ANO4: variants seen among roughly 807,000 people sequenced by gnomAD.
ANO4 encodes the protein anoctamin-4.
In ANO4, 69 loss-of-function variants were observed where a neutral mutation model predicts 141.9. The ratio of observed to expected loss-of-function variants is 0.49; its 90% CI spans 0.40 to 0.59. ANO4 has a LOEUF of 0.59. ANO4 is among the 20% of genes least tolerant of loss of function. The pLI, the probability that ANO4 is intolerant of heterozygous loss-of-function variation, is 0.00. For synonymous variants in ANO4, 350 were observed against 394.3 expected, an observed-to-expected ratio of 0.89 and a Z score of 1.33; for missense variants, 894 against 1,162.2, an observed-to-expected ratio of 0.77 and a Z score of 3.36.
chr12:100,837,825 T>C (rs1467998673), intron 1 of ANO4, among the ~76,000 whole-genome samples: 2 of 151,874 alleles, frequency 1.3e-5, no homozygotes, highest in African/African-American at 2.4e-5. Flanking sequence ...AAGGTAGAGC[T>C]TCAACAGATT....
In ANO4 at chr12:101,096,591, T is replaced by G; in HGVS notation, c.1794T>G (p.Leu598=). The part of the protein sequence containing the change: ...WENSFTLKMF[L]FQFVNLNSST... ...ACAGCTTCACCCTGAAAATGTTTCTTTTTCAGTTTGTCAATCTGAACAGCT... is the reference window on the plus strand; with the variant it reads ...ACAGCTTCACCCTGAAAATGTTTCTGTTTCAGTTTGTCAATCTGAACAGCT... The change falls in exon 19 of 28, where the codon CTT becomes CTG. Residue 598 remains leucine (L), a synonymous_variant. Transcript: ENST00000392977. 6.2e-7 allele frequency: 1 copy of G among 1,613,622 alleles called. No individual in the cohort carries two copies. Among genetic ancestry groups the G allele is most frequent in the Non-Finnish European group, 8.5e-7 (1 of 1,179,660 alleles).
At chr12:100,733,704 T>C in intron 1 of ANO4, 1 of 656,440 alleles carries the variant, frequency 1.5e-6, no homozygotes, top group South Asian at 1.7e-5. Flanking sequence ...CCACCAGTCA[T>C]ATATTTACAT....
intron 24 of ANO4, 36 bp from the exon 25 acceptor site, chr12:101,116,643 G>C (rs1037541984): frequency 2.5e-6 from 4 of 1,614,064 alleles, no homozygotes; most frequent in Non-Finnish European, 2.5e-6. Flanking sequence ...AGAAGGTGAT[G>C]AGTGTTCTAA....
At chr12:101,030,089 A>G (rs1294395235) in intron 9 of ANO4, among the ~76,000 whole-genome samples, 2 of 152,132 alleles carry the variant, frequency 1.3e-5, no homozygotes, top group South Asian at 4.1e-4. Flanking sequence ...AAAATTAACA[A>G]GGATATTCAG....
intron 24 of ANO4, among the ~76,000 whole-genome samples, chr12:101,116,014 C>G (rs113817998): frequency 0.02 from 3,003 of 152,168 alleles, 117 homozygotes; most frequent in African/African-American, 0.069. Context: ...TAATGGTGAA[C>G]TAAGTAAGTA....
intron 1 of ANO4, among the ~76,000 whole-genome samples, chr12:100,861,831 A>G (rs1366833253): frequency 4.6e-5 from 7 of 152,130 alleles, no homozygotes; most frequent in African/African-American, 1.7e-4. Flanking sequence ...GTTTTTTTCT[A>G]TTTTGAATTT....
At chr12:101,123,388 GT>G (rs1461662388) in intron 26 of ANO4, among the ~76,000 whole-genome samples, 2 of 152,094 alleles carry the variant, frequency 1.3e-5, no homozygotes, top group Non-Finnish European at 2.9e-5. Context: ...GTGTGCCACG[GT>G]CATCTGCTGC....
intron 1 of ANO4, among the ~76,000 whole-genome samples, chr12:100,888,524 G>T (rs1026079938): frequency 1.6e-4 from 24 of 152,246 alleles, no homozygotes; most frequent in African/African-American, 5.3e-4. Context: ...AATGGCTAGG[G>T]CCCTCACAAG....
intron 15 of ANO4, 99 bp downstream of exon 15, chr12:101,079,374 AG>A: frequency 1.0e-6 from 1 of 983,418 alleles, no homozygotes; most frequent in Non-Finnish European, 1.6e-6. Context: ...GACGGAAGTC[AG>A]GTGTACTCAT....
intron 25 of ANO4, 83 bp downstream of exon 25, chr12:101,116,881 CTGAG>C: frequency 6.4e-7 from 1 of 1,574,784 alleles, no homozygotes; most frequent in Non-Finnish European, 8.7e-7. Flanking sequence ...CCCCTTCTGG[CTGAG>C]TGTGTTTAAA....
chr12:100,876,334 G>A (rs866424009), intron 1 of ANO4, among the ~76,000 whole-genome samples: 4 of 150,088 alleles, frequency 2.7e-5, no homozygotes, highest in Non-Finnish European at 5.9e-5. Context: ...TAGTGATGTC[G>A]ACAAGAGCCA....
intron 9 of ANO4, among the ~76,000 whole-genome samples, chr12:101,023,140 G>A (rs1329984882): frequency 6.6e-6 from 1 of 152,154 alleles, no homozygotes; most frequent in South Asian, 2.1e-4. Context: ...CTGGCATATA[G>A]TAGGAGTTCA....
At chr12:101,095,118 G>A (rs1183120504) in intron 18 of ANO4, among the ~76,000 whole-genome samples, 2 of 152,148 alleles carry the variant, frequency 1.3e-5, no homozygotes, top group East Asian at 3.8e-4. Flanking sequence ...TCCATAAGAA[G>A]CTTGTCCAGA....
intron 1 of ANO4, among the ~76,000 whole-genome samples, chr12:100,891,226 AG>A (rs765693341): frequency 2.6e-5 from 4 of 152,250 alleles, no homozygotes; most frequent in African/African-American, 4.8e-5. Flanking sequence ...TACCTACTGA[AG>A]GACATCTTGG....
At chr12:100,956,383 T>G (rs1389954802) in intron 5 of ANO4, among the ~76,000 whole-genome samples, 1 of 152,222 alleles carries the variant, frequency 6.6e-6, no homozygotes, top group East Asian at 1.9e-4. Flanking sequence ...AAAAAGAGTT[T>G]TCTAGAAGAC....
intron 3 of ANO4, among the ~76,000 whole-genome samples, chr12:100,923,156 CTTTAAG>C (rs1021644272): frequency 2.0e-5 from 3 of 151,904 alleles, no homozygotes; most frequent in African/African-American, 7.3e-5. Flanking sequence ...TATTATTATA[CTTTAAG>C]TTCTAGGGTA....
chr12:100,963,339 G>T (rs568658925), intron 5 of ANO4, among the ~76,000 whole-genome samples: 1 of 152,262 alleles, frequency 6.6e-6, no homozygotes, highest in South Asian at 2.1e-4. Context: ...CCACTTAAAG[G>T]TCTACTAAGG....
intron 3 of ANO4, among the ~76,000 whole-genome samples, chr12:100,923,107 A>C (rs1394083287): frequency 1.3e-5 from 2 of 151,900 alleles, no homozygotes; most frequent in Non-Finnish European, 2.9e-5. Context: ...ATTTTTTCTT[A>C]CTTCTAGTTT....
chr12:100,830,875 A>G (rs558894375), intron 1 of ANO4, among the ~76,000 whole-genome samples: 1 of 152,032 alleles, frequency 6.6e-6, no homozygotes, highest in Admixed American at 6.6e-5. Flanking sequence ...AAAAGTGTGG[A>G]TTTTTTTAAG....
Sources: gnomAD v4.1 joint callset for allele counts (sites outside exome capture counted in the v4.1 genomes callset) on GRCh38, gnomAD v4.1.1 for gene constraint, MANE v1.5 for transcripts, NCBI Gene and HGNC (gene_info 2026-07-23, HGNC 2026-07-21) for gene names.